ELMO1: variants seen among roughly 807,000 people sequenced by gnomAD.
ELMO1 encodes engulfment and cell motility protein 1.
Under a neutral mutation model 98.9 loss-of-function variants are expected in ELMO1, and 26 were observed. The ratio of observed to expected loss-of-function variants is 0.26; its 90% CI spans 0.19 to 0.36. The LOEUF (loss-of-function observed/expected upper bound fraction) is 0.36, where lower values mean the gene tolerates loss of function less well. Among genes scored for constraint, ELMO1 ranks in the 10% least tolerant of loss-of-function variants. The pLI, the probability that ELMO1 is intolerant of heterozygous loss-of-function variation, is 1.00. For synonymous variants in ELMO1, 346 were observed against 346.0 expected, an observed-to-expected ratio of 1.00 and a Z score of 0.00; for missense variants, 627 against 935.2, an observed-to-expected ratio of 0.67 and a Z score of 4.30.
At chr7:37,272,548 G>A (rs995720511) in intron 4 of ELMO1, among the ~76,000 whole-genome samples, 23 of 152,066 alleles carry the variant, frequency 1.5e-4, no homozygotes, top group Non-Finnish European at 2.8e-4. Context: ...AGTGGCAGGC[G>A]CCTGTAATCC....
chr7:36,944,851 C>CT (rs1787344029), intron 16 of ELMO1, among the ~76,000 whole-genome samples: 1 of 152,170 alleles, frequency 6.6e-6, no homozygotes, highest in Admixed American at 6.5e-5. Flanking sequence ...ACTAGTACAC[C>CT]TTCTTAATGT....
intron 1 of ELMO1, among the ~76,000 whole-genome samples, chr7:37,385,925 G>A (rs527742206): frequency 2.2e-4 from 33 of 152,322 alleles, no homozygotes; most frequent in African/African-American, 7.0e-4. Flanking sequence ...AAGTCCTAGT[G>A]TTACGTGCTC....
intron 1 of ELMO1, among the ~76,000 whole-genome samples, chr7:37,396,053 G>GA (rs1803288328): frequency 6.6e-6 from 1 of 151,996 alleles, no homozygotes; most frequent in Admixed American, 6.6e-5. Flanking sequence ...TCCTTGGTGA[G>GA]AATAATGTGG....
At chr7:37,043,520 G>A (rs921469018) in intron 15 of ELMO1, among the ~76,000 whole-genome samples, 11 of 152,224 alleles carry the variant, frequency 7.2e-5, no homozygotes, top group Admixed American at 4.6e-4. Context: ...GGAGTCGGCC[G>A]TATGAATGGA....
At chr7:37,193,218 C>T (rs1422039576) in intron 13 of ELMO1, among the ~76,000 whole-genome samples, 1 of 151,860 alleles carries the variant, frequency 6.6e-6, no homozygotes, top group Admixed American at 6.6e-5. Flanking sequence ...CCACTTCCCC[C>T]CTGGATTCTT....
intron 16 of ELMO1, among the ~76,000 whole-genome samples, chr7:36,920,544 A>G (rs1785062417): frequency 6.6e-6 from 1 of 152,210 alleles, no homozygotes; most frequent in African/African-American, 2.4e-5. Context: ...TAATTTACAT[A>G]TCCACATAAT....
intron 16 of ELMO1, among the ~76,000 whole-genome samples, chr7:36,901,537 G>C (rs1355321262): frequency 1.3e-5 from 2 of 152,156 alleles, no homozygotes; most frequent in Admixed American, 1.3e-4. Flanking sequence ...ACAGGTGGTG[G>C]GCTGGATTTG....
At chr7:37,242,089 C>T (rs1794792136) in intron 7 of ELMO1, among the ~76,000 whole-genome samples, 1 of 151,872 alleles carries the variant, frequency 6.6e-6, no homozygotes, top group Non-Finnish European at 1.5e-5. Flanking sequence ...ATTCTTTTTC[C>T]TCTCCTTTTG....
chr7:37,401,351 G>T (rs1439043344), intron 1 of ELMO1, among the ~76,000 whole-genome samples: 5 of 152,154 alleles, frequency 3.3e-5, no homozygotes, highest in African/African-American at 1.2e-4. Context: ...AAGCAGGAAG[G>T]TCACTCTTAC....
intron 1 of ELMO1, among the ~76,000 whole-genome samples, chr7:37,414,921 G>A (rs908698030): frequency 6.6e-6 from 1 of 152,126 alleles, no homozygotes; most frequent in African/African-American, 2.4e-5. Flanking sequence ...CCTGCAGACT[G>A]CAATGCACGT....
chr7:37,220,702 T>C (rs1193084830), intron 10 of ELMO1, among the ~76,000 whole-genome samples: 1 of 152,206 alleles, frequency 6.6e-6, no homozygotes, highest in African/African-American at 2.4e-5. Flanking sequence ...GTGTTTGGTA[T>C]AAAATAAGAT....
At chr7:37,094,953 T>C (rs991898415) in intron 15 of ELMO1, among the ~76,000 whole-genome samples, 4 of 152,202 alleles carry the variant, frequency 2.6e-5, no homozygotes, top group African/African-American at 9.6e-5. Flanking sequence ...TGTTTACTTT[T>C]AGCAGGACAG....
intron 21 of ELMO1, among the ~76,000 whole-genome samples, chr7:36,856,124 T>A (rs890298949): frequency 6.6e-6 from 1 of 152,176 alleles, no homozygotes; most frequent in Non-Finnish European, 1.5e-5. Context: ...GACTTTTAGG[T>A]ACTGGTGGAA....
intron 4 of ELMO1, among the ~76,000 whole-genome samples, chr7:37,278,113 CTTTTT>C (rs36110041): frequency 0.09 from 7,737 of 85,708 alleles, 245 homozygotes; most frequent in Middle Eastern, 0.13. Context: ...ATAGCTTTTC[CTTTTT>C]TTTTTTTTTT....
In ELMO1 at chr7:36,855,174, TG is replaced by T. The variant is rs1019980079; in HGVS notation, c.*376del. On this transcript the variant is annotated 3_prime_UTR_variant, in exon 22 of 22. Coordinates refer to ENST00000310758, the MANE Select transcript of ELMO1 (RefSeq NM_014800.11). This position sits in a 1 kb window ranked among gnomAD's most constrained non-coding sequence, Gnocchi z 4.2. ...GGGCCTTGGGGCACTGCCCTTGGTC[TG>T]GTGGGCAAGTTTTTGGGCAGTCTGG... 5.8e-5 allele frequency: 16 copies of T among 273,840 alleles called. No individual in the cohort carries two copies. The highest frequency in any genetic ancestry group is 3.3e-4 in the African/African-American group (15 of 45,678). The allele number at this position is 273,840 out of a possible 1,614,324, so 17.0% of individuals were successfully genotyped here. A position where few individuals can be genotyped will look rare whatever the true frequency, so the allele number is the denominator to read the frequency against.
At chr7:37,120,183 A>G (rs1785908666) in intron 14 of ELMO1, among the ~76,000 whole-genome samples, 1 of 152,232 alleles carries the variant, frequency 6.6e-6, no homozygotes, top group Admixed American at 6.5e-5. Context: ...CCAAATAGGA[A>G]CAGCTCCAGT....
chr7:37,347,720 C>A (rs2131283016), intron 1 of ELMO1, among the ~76,000 whole-genome samples: 1 of 152,180 alleles, frequency 6.6e-6, no homozygotes, highest in East Asian at 1.9e-4. Context: ...ACCCAATCTC[C>A]CGTATGTCTT....
chr7:37,320,955 C>T (rs565295410), intron 2 of ELMO1, among the ~76,000 whole-genome samples: 5 of 152,176 alleles, frequency 3.3e-5, no homozygotes, highest in Non-Finnish European at 7.3e-5. Context: ...GCTGTCACTA[C>T]TCCCTATGCA....
intron 16 of ELMO1, among the ~76,000 whole-genome samples, chr7:36,946,594 T>G (rs1026012463): frequency 6.6e-6 from 1 of 152,236 alleles, no homozygotes; most frequent in African/African-American, 2.4e-5. Flanking sequence ...TTGTTATCTG[T>G]GGTAAGGATG....
Sources: allele counts gnomAD v4.1 joint callset (sites outside exome capture counted in the v4.1 genomes callset), GRCh38; gene constraint gnomAD v4.1.1; non-coding constraint Gnocchi (gnomAD v3.1); transcripts MANE v1.5; gene names NCBI Gene and HGNC (gene_info 2026-07-23, HGNC 2026-07-21).